STXBP5L: variants seen among roughly 807,000 people sequenced by gnomAD.
STXBP5L encodes syntaxin binding protein 5L, also known as syntaxin-binding protein 5-like.
A neutral mutation model predicts 144.5 loss-of-function variants in STXBP5L; 65 were observed. The ratio of observed to expected loss-of-function variants is 0.45; its 90% CI spans 0.37 to 0.55. STXBP5L has a LOEUF of 0.55. Among genes scored for constraint, STXBP5L ranks in the 20% least tolerant of loss-of-function variants. STXBP5L has a pLI of 0.00. For missense variants in STXBP5L, 1,298 were observed against 1,405.5 expected (o/e 0.92, Z 1.22); for synonymous variants, 505 against 469.6 (o/e 1.08, Z -0.97).
chr3:121,028,900 T>G (rs915197711), intron 3 of STXBP5L, among the ~76,000 whole-genome samples: 7 of 151,692 alleles, frequency 4.6e-5, no homozygotes, highest in Non-Finnish European at 1.0e-4. Context: ...GCTGATTGAT[T>G]AGAAAGGGAG....
At chr3:121,392,016 G>A (rs1000341073) in intron 22 of STXBP5L, among the ~76,000 whole-genome samples, 1 of 152,180 alleles carries the variant, frequency 6.6e-6, no homozygotes, top group Non-Finnish European at 1.5e-5. Context: ...CACAGAGGTG[G>A]AGTCTAGAGA....
chr3:121,046,542 T>G (rs549970207), intron 5 of STXBP5L, among the ~76,000 whole-genome samples: 1 of 152,288 alleles, frequency 6.6e-6, no homozygotes, highest in South Asian at 2.1e-4. Context: ...TTGGAACTCT[T>G]TATTGGTCTG....
intron 9 of STXBP5L, among the ~76,000 whole-genome samples, chr3:121,194,172 T>C (rs1322727467): frequency 1.3e-5 from 2 of 152,160 alleles, no homozygotes; most frequent in Admixed American, 1.3e-4. Context: ...ACGTACCTAT[T>C]ACCAGTTACT....
chr3:121,300,026 G>C (rs957839587), intron 19 of STXBP5L, among the ~76,000 whole-genome samples: 1 of 149,130 alleles, frequency 6.7e-6, no homozygotes, highest in South Asian at 2.1e-4. Context: ...AGACTTTATA[G>C]TCAAACTACT....
At chr3:121,385,127 A>G (rs955578512) in intron 22 of STXBP5L, among the ~76,000 whole-genome samples, 10 of 152,084 alleles carry the variant, frequency 6.6e-5, no homozygotes, top group Non-Finnish European at 1.0e-4. Context: ...TCCTTACCCC[A>G]GTGGTAGATG....
At chr3:121,353,970 G>C (rs989683409) in intron 20 of STXBP5L, among the ~76,000 whole-genome samples, 35 of 152,284 alleles carry the variant, frequency 2.3e-4, no homozygotes, top group Non-Finnish European at 4.4e-4. Context: ...AAGTTGTTCA[G>C]TTTCCAAATA....
chr3:121,297,029 C>A (rs1428798523), intron 19 of STXBP5L, among the ~76,000 whole-genome samples: 2 of 152,192 alleles, frequency 1.3e-5, no homozygotes, highest in Non-Finnish European at 2.9e-5. Flanking sequence ...AATACCAATA[C>A]AAATAACAAT....
intron 3 of STXBP5L, among the ~76,000 whole-genome samples, chr3:121,012,246 G>C (rs1944828215): frequency 6.6e-6 from 1 of 151,612 alleles, no homozygotes; most frequent in Non-Finnish European, 1.5e-5. Flanking sequence ...TCTACTTCTT[G>C]GTTATTATAA....
chr3:121,234,866 C>A (rs1209168393), intron 12 of STXBP5L, among the ~76,000 whole-genome samples: 2 of 151,896 alleles, frequency 1.3e-5, no homozygotes, highest in Non-Finnish European at 2.9e-5. Context: ...ACATACTCTT[C>A]TAATCTCATT....
At chr3:121,265,402 A>G (rs2050528690) in intron 18 of STXBP5L, among the ~76,000 whole-genome samples, 1 of 152,216 alleles carries the variant, frequency 6.6e-6, no homozygotes, top group Non-Finnish European at 1.5e-5. Flanking sequence ...TAACACAGAA[A>G]TAAATAAGCT....
At chr3:120,948,169 T>C (rs921205701) in intron 2 of STXBP5L, among the ~76,000 whole-genome samples, 2 of 151,672 alleles carry the variant, frequency 1.3e-5, no homozygotes, top group Non-Finnish European at 3.0e-5. Flanking sequence ...TGTATCTTGT[T>C]GATATGATTT....
At chr3:121,309,535 A>C (rs539374515) in intron 19 of STXBP5L, among the ~76,000 whole-genome samples, 9 of 152,254 alleles carry the variant, frequency 5.9e-5, no homozygotes, top group Non-Finnish European at 1.2e-4. Flanking sequence ...AGTCAATAAT[A>C]ATTGTTGGAA....
intron 18 of STXBP5L, among the ~76,000 whole-genome samples, chr3:121,270,471 T>A (rs796220790): frequency 3.3e-5 from 5 of 152,154 alleles, no homozygotes; most frequent in African/African-American, 1.2e-4. Context: ...ATTTTTTTTT[T>A]AGATGGTGTC....
chr3:121,405,769 C>A, intron 22 of STXBP5L, among the ~76,000 whole-genome samples: 1 of 151,994 alleles, frequency 6.6e-6, no homozygotes, highest in East Asian at 1.9e-4. Context: ...AAAACTTAAA[C>A]CCTGTATAAA....
chr3:121,415,356 C>A (rs933636666), intron 24 of STXBP5L, among the ~76,000 whole-genome samples: 1 of 152,150 alleles, frequency 6.6e-6, no homozygotes, highest in Non-Finnish European at 1.5e-5. Flanking sequence ...ATGTACTTCA[C>A]CCTATACAGT....
intron 3 of STXBP5L, among the ~76,000 whole-genome samples, chr3:120,977,808 T>G (rs1559941191): frequency 6.6e-6 from 1 of 152,192 alleles, no homozygotes; most frequent in Non-Finnish European, 1.5e-5. Flanking sequence ...TTATGAAGCT[T>G]AGTTTGGCTG....
chr3:120,964,020 A>G (rs1381359885), intron 3 of STXBP5L, among the ~76,000 whole-genome samples: 1 of 152,094 alleles, frequency 6.6e-6, no homozygotes, highest in Non-Finnish European at 1.5e-5. Context: ...TGTGTCGAGG[A>G]ATTTATCCAT....
chr3:120,930,479 C>T (rs554909187), intron 2 of STXBP5L, among the ~76,000 whole-genome samples: 7 of 152,104 alleles, frequency 4.6e-5, no homozygotes, highest in East Asian at 3.9e-4. Context: ...GTTTGTAAGG[C>T]GCTTTATATT....
chr3:121,354,508 C>CTTTTTTTTTTTTTTT (rs145703750), intron 20 of STXBP5L, among the ~76,000 whole-genome samples: 3 of 67,542 alleles, frequency 4.4e-5, no homozygotes, highest in African/African-American at 5.8e-5. Context: ...TGCAACCCTG[C>CTTTTTTTTTTTTTTT]TTTTTTTTTT....
Sources: gnomAD v4.1 joint callset for allele counts (sites outside exome capture counted in the v4.1 genomes callset) on GRCh38, gnomAD v4.1.1 for gene constraint, MANE v1.5 for transcripts, NCBI Gene and HGNC (gene_info 2026-07-23, HGNC 2026-07-21) for gene names.